Variants in KRT73 observed in about 807,000 individuals in gnomAD.
KRT73 encodes the protein keratin, type II cytoskeletal 73.
In KRT73, 44 loss-of-function variants were observed where a neutral mutation model predicts 47.2. That is an observed-to-expected ratio of 0.93 (90% CI 0.73 to 1.20). The LOEUF (loss-of-function observed/expected upper bound fraction) is 1.20, where lower values mean the gene tolerates loss of function less well. KRT73 is among the 50% of genes most tolerant of loss of function. KRT73 has a pLI of 0.00. For missense variants in KRT73, 713 were observed against 704.5 expected (o/e 1.01, Z -0.14); for synonymous variants, 285 against 291.3 (o/e 0.98, Z 0.22).
At position 52,614,824 on chromosome 12, in the gene KRT73, C is replaced by T. The variant is rs553889718; in HGVS notation, c.724-150G>A. 140 of 612,062 alleles carry T rather than the reference C, an allele frequency of 2.3e-4. No individual in the cohort carries two copies. The East Asian group carries it at 3.8e-3, about 17-fold the overall frequency. The allele number at this position is 612,062 out of a possible 1,614,324, so 37.9% of individuals were successfully genotyped here. Reference sequence around the variant, plus strand: ...AACCGGCCTTCCAGCCACAACTTCACTGTCAGACTCACTGCGAAACCTGGG... The same window carrying T: ...AACCGGCCTTCCAGCCACAACTTCATTGTCAGACTCACTGCGAAACCTGGG... On this transcript the variant is annotated intron_variant, in intron 3 of 8. Coordinates refer to ENST00000305748, the MANE Select transcript of KRT73 (RefSeq NM_175068.3).
At position 52,611,341 on chromosome 12, in the gene KRT73, G is replaced by C; in HGVS notation, c.985-12C>G. The stretch of plus-strand genomic sequence containing the variant: ...TGCAGCTCCTGGAACTAGAGGAAAA[G>C]GAACCAAAGCAAGAACACTGACTCA... On this transcript the variant is annotated splice_polypyrimidine_tract_variant and intron_variant, in intron 5 of 8. Coordinates refer to ENST00000305748, the MANE Select transcript of KRT73 (RefSeq NM_175068.3). The C allele has an allele frequency of 6.2e-7, 1 of 1,614,036 alleles. No individual in the cohort carries two copies. The highest frequency in any genetic ancestry group is 8.5e-7 in the Non-Finnish European group (1 of 1,180,004).
chr12:52,625,079 T>C, the KRT73 span, among the ~76,000 whole-genome samples: 1 of 152,050 alleles, frequency 6.6e-6, no homozygotes, highest in Non-Finnish European at 1.5e-5. Flanking sequence ...ATCCTCAAGA[T>C]AAAGGGTAGG....
chr12:52,611,557 A>C, intron 5 of KRT73: 1 of 551,302 alleles, frequency 1.8e-6, no homozygotes, highest in South Asian at 2.2e-5. Context: ...GGACTGTTGA[A>C]TGTCCCAGAC....
chr12:52,618,917 A>T (rs538896883), upstream of KRT73, among the ~76,000 whole-genome samples: 1 of 152,328 alleles, frequency 6.6e-6, no homozygotes, highest in African/African-American at 2.4e-5. Context: ...TGACAGTGTC[A>T]TCTGTTAGAA....
At chr12:52,615,653 T>C (rs1360799792) in intron 2 of KRT73, among the ~76,000 whole-genome samples, 1 of 152,118 alleles carries the variant, frequency 6.6e-6, no homozygotes, top group East Asian at 1.9e-4. Context: ...CAGCCATGAT[T>C]CTTGTGTCAA....
At chr12:52,611,171 G>A (rs1940693357) in intron 6 of KRT73, 33 bp downstream of exon 6, 1 of 1,613,026 alleles carries the variant, frequency 6.2e-7, no homozygotes. Context: ...CCCTCCCTTA[G>A]GAGTGAGTAA....
intron 1 of KRT73, 76 bp downstream of exon 1, chr12:52,618,002 C>G: frequency 6.8e-7 from 1 of 1,479,046 alleles, no homozygotes; most frequent in Non-Finnish European, 9.2e-7. Flanking sequence ...CAAATTGAAC[C>G]ACAAATTAGG....
intron 8 of KRT73, 97 bp from the exon 9 acceptor site, chr12:52,608,549 C>T (rs1940633227): frequency 7.3e-6 from 8 of 1,095,942 alleles, no homozygotes; most frequent in Non-Finnish European, 1.0e-5. Flanking sequence ...GCTTAAATAC[C>T]TCCTTCTTAA....
At chr12:52,615,241 T>C in intron 3 of KRT73, 38 bp downstream of exon 3, 1 of 1,583,342 alleles carries the variant, frequency 6.3e-7, no homozygotes, top group African/African-American at 1.3e-5. Context: ...CAGCACCCAC[T>C]GCTGGGGGAC....
At chr12:52,628,661 CAGA>C in the KRT73 span, among the ~76,000 whole-genome samples, 1 of 152,138 alleles carries the variant, frequency 6.6e-6, no homozygotes, top group African/African-American at 2.4e-5. Context: ...TTCTGCATCA[CAGA>C]AGGAGACAGT....
upstream of KRT73, among the ~76,000 whole-genome samples, chr12:52,619,342 G>T (rs990883572): frequency 2.6e-5 from 4 of 152,236 alleles, no homozygotes; most frequent in Non-Finnish European, 2.9e-5. Context: ...CACTTAGTCT[G>T]CATGGAGGGG....
At chr12:52,615,423 C>A in intron 2 of KRT73, 84 bp from the exon 3 acceptor site, 1 of 1,092,924 alleles carries the variant, frequency 9.1e-7, no homozygotes, top group South Asian at 1.3e-5. Flanking sequence ...AAAAGAGATA[C>A]CCATATTATA....
In KRT73 at chr12:52,614,666, G is replaced by A. The variant is rs773867921; in HGVS notation, c.732C>T (p.Asp244=). ...GCTCCACTTTGCTCGTGTAAGCTGC[G>A]TCCACGTCCTATGGAGAATCCAGAT... ...NEFVVLKKDV[D]AAYTSKVELQ... The change falls in exon 4 of 9, where the codon GAC becomes GAT. Residue 244 remains aspartate, a synonymous_variant. Coordinates refer to ENST00000305748, the MANE Select transcript of KRT73 (RefSeq NM_175068.3). 2.4e-5 allele frequency: 38 copies of A among 1,613,172 alleles called. 1 individual carries two copies. The highest frequency in any genetic ancestry group is 1.5e-4 in the South Asian group (14 of 90,916).
Position 52,613,726 on chromosome 12 carries a change from T to G in KRT73, c.946A>C (p.Lys316Gln), listed in dbSNP as rs559245335. 3.1e-6 allele frequency: 5 copies of G among 1,614,174 alleles called. No individual in the cohort carries two copies. The highest frequency in any genetic ancestry group is 3.3e-5 in the Admixed American group (2 of 60,022). Residue 316 changes from lysine (K) to glutamine (Q), a missense_variant, in exon 5 of 9, where the codon AAG becomes CAG. Lys to Gln is a moderately conservative substitution (Grantham distance 53). Transcript: ENST00000305748. ...AGGGCCTCGGCCTCGGCCTTGCTCT[T>G]CCGGGCGATCTCCTCATACTGGGCA... Reference protein sequence around the residue: ...VRAQYEEIARKSKAEAEALYQ... With the variant: ...VRAQYEEIARQSKAEAEALYQ...
intron 4 of KRT73, chr12:52,614,369 A>G (rs117850646): frequency 0.014 from 6,787 of 502,324 alleles, 64 homozygotes; most frequent in Non-Finnish European, 0.017. Context: ...GTTTTCCTGG[A>G]GGAAGTGAAA....
At chr12:52,620,886 G>A (rs913681247), upstream of KRT73, among the ~76,000 whole-genome samples, 2 of 152,140 alleles carry the variant, frequency 1.3e-5, no homozygotes, top group African/African-American at 4.8e-5. Flanking sequence ...CCTGTGTTCA[G>A]GAGGTATGTC....
chr12:52,626,788 G>C, the KRT73 span, among the ~76,000 whole-genome samples: 1 of 152,140 alleles, frequency 6.6e-6, no homozygotes, highest in African/African-American at 2.4e-5. Context: ...GTCCAAATCT[G>C]GGAAGGCAAC....
At chr12:52,610,553 A>AC in intron 7 of KRT73, 62 bp downstream of exon 7, 1 of 181,982 alleles carries the variant, frequency 5.5e-6, no homozygotes, top group South Asian at 3.9e-5. Flanking sequence ...GCCCCCAACC[A>AC]CACTCTGGGA....
chr12:52,615,541 G>A (rs1940797889), intron 2 of KRT73, among the ~76,000 whole-genome samples: 1 of 152,194 alleles, frequency 6.6e-6, no homozygotes, highest in Non-Finnish European at 1.5e-5. Flanking sequence ...TCCTGAGCCT[G>A]GGTGGTTTGA....
Sources: allele counts gnomAD v4.1 joint callset (sites outside exome capture counted in the v4.1 genomes callset), GRCh38; gene constraint gnomAD v4.1.1; transcripts MANE v1.5; gene names NCBI Gene and HGNC (gene_info 2026-07-23, HGNC 2026-07-21).